The following B4GAT1 variants were observed in gnomAD, a reference collection of about 807,000 sequenced individuals.
The protein encoded by B4GAT1 is N-acetyllactosaminide beta-1,3-N-acetylglucosaminyltransferase.
Under a neutral mutation model 35.0 loss-of-function variants are expected in B4GAT1, and 18 were observed. The observed-to-expected ratio is 0.51, with a 90% CI of 0.36 to 0.76. The LOEUF is 0.76. Among genes scored for constraint, B4GAT1 ranks in the 30% least tolerant of loss-of-function variants. The probability of loss-of-function intolerance (pLI) is 0.01; values close to 1 mark genes in which losing one functional copy is unlikely to be tolerated. For missense variants in B4GAT1, 458 were observed against 555.0 expected (o/e 0.83, Z 1.76); for synonymous variants, 217 against 251.6 (o/e 0.86, Z 1.30).
rs1281624367 is a variant in B4GAT1, at chr11:66,346,946, C to T, written c.600G>A (p.Ala200=). The change falls in exon 1 of 2, where the codon GCG becomes GCA. Residue 200 remains alanine (A), a synonymous_variant. Coordinates refer to ENST00000311181, the MANE Select transcript of B4GAT1 (RefSeq NM_006876.3). The surrounding 1 kb of genome is among the most constrained non-coding windows in gnomAD (Gnocchi z 6.1). The stretch of plus-strand genomic sequence containing the variant: ...TGGGGTAGGAGACATTGGTGCCCAG[C>T]GCATAATTAATCCCGGGCTGGGCCA... ...ARVAQPGINY[A]LGTNVSYPNN... is the part of the protein sequence containing the mutation. 1.9e-6 allele frequency: 3 copies of T among 1,612,784 alleles called. No individual in the cohort carries two copies. The highest frequency in any genetic ancestry group is 2.2e-5 in the South Asian group (2 of 91,082).
chr11:66,347,220 A>G lies in B4GAT1; in HGVS notation c.326T>C (p.Leu109Pro), dbSNP rs757744590. 1 of 1,572,832 alleles carries G rather than the reference A, an allele frequency of 6.4e-7. No individual in the cohort carries two copies. Among genetic ancestry groups the G allele is most frequent in the South Asian group, 1.2e-5 (1 of 86,418 alleles). Residue 109 changes from leucine (L) to proline (P), a missense_variant, in exon 1 of 2, where the codon CTG (leucine) becomes CCG (proline). Physicochemically the swap from Leu to Pro is moderately conservative, Grantham distance 98. Transcript: ENST00000311181. The surrounding 1 kb of genome is among the most constrained non-coding windows in gnomAD (Gnocchi z 6.3). ...CTCCCAGCGCTCCAGCAGACCCGAC[A>G]GGTGCAGCAGGTTGTCCACGCTGGC... is the stretch of plus-strand genomic sequence containing the variant. Reference protein sequence around the residue: ...THASVDNLLHLSGLLERWEGP... With the variant: ...THASVDNLLHPSGLLERWEGP...
rs898939850 is a variant in B4GAT1 at position 66,346,532 on chromosome 11, G to A, written c.1014C>T (p.Phe338=). 2 of 1,612,352 alleles carry A rather than the reference G, an allele frequency of 1.2e-6. No homozygotes were observed. Among genetic ancestry groups the A allele is most frequent in the Non-Finnish European group, 1.7e-6 (2 of 1,178,764 alleles). ...AGCCGTACTGCCGAAAGCGCTCGTC[G>A]AAGGTGGGCACCTTGCCTCCTGCCA... The part of the protein sequence containing the change: ...FYVAGGKVPT[F]DERFRQYGFN... The change falls in exon 1 of 2, where the codon TTC becomes TTT. Residue 338 remains phenylalanine (F), a synonymous_variant. Coordinates refer to ENST00000311181, the MANE Select transcript of B4GAT1 (RefSeq NM_006876.3). This position sits in a 1 kb window ranked among gnomAD's most constrained non-coding sequence, Gnocchi z 6.1.
chr11:66,345,727 C>T lies in B4GAT1; in HGVS notation c.*322G>A. The T allele has an allele frequency of 3.4e-6, 1 of 292,310 alleles. No homozygotes were observed. The highest frequency in any genetic ancestry group is 4.6e-5 in the Admixed American group (1 of 21,658). 18.1% of individuals were successfully genotyped at this position (292,310 alleles called of 1,614,324 possible). A position where few individuals can be genotyped will look rare whatever the true frequency, so the allele number is the denominator to read the frequency against. Reference sequence around the variant, plus strand: ...TAATACTGCGATAATATTAATACTTCACATTTGTACGAAGCTTACAGAATG... The same window carrying T: ...TAATACTGCGATAATATTAATACTTTACATTTGTACGAAGCTTACAGAATG... On this transcript the variant is annotated 3_prime_UTR_variant, in exon 2 of 2. Coordinates refer to ENST00000311181, the MANE Select transcript of B4GAT1 (RefSeq NM_006876.3).
At position 66,346,140 on chromosome 11, in the gene B4GAT1, T is replaced by A; in HGVS notation, c.1157A>T (p.Lys386Met). The change falls in exon 2 of 2, where the codon AAG (lysine) becomes ATG (methionine). Residue 386 changes from lysine to methionine, a missense_variant. Lys to Met is a moderately conservative substitution (Grantham distance 95). Coordinates refer to ENST00000311181, the MANE Select transcript of B4GAT1 (RefSeq NM_006876.3). The surrounding 1 kb of genome is among the most constrained non-coding windows in gnomAD (Gnocchi z 6.1). ...CTTATTGTGCTGATTTTCAGCCTCC[T>A]TTTGGGGATGGAACTTCAACGCTTC... is the stretch of plus-strand genomic sequence containing the variant. ...FKEALKFHPQ[K>M]EAENQHNKIL... 6.2e-7 allele frequency: 1 copy of A among 1,614,122 alleles called. No homozygotes were observed. The highest frequency in any genetic ancestry group is 2.2e-5 in the East Asian group (1 of 44,894).
Position 66,347,152 on chromosome 11 carries a change from C to T in B4GAT1, c.394G>A (p.Ala132Thr). Residue 132 changes from alanine to threonine, a missense_variant, in exon 1 of 2, where the codon GCG becomes ACG. Transcript: ENST00000311181. This position sits in a 1 kb window ranked among gnomAD's most constrained non-coding sequence, Gnocchi z 6.3. Reference sequence around the variant, plus strand: ...TAGGCCAGCACCGTGGCCAGCTGCGCCTCCTCCTTGGTGGCCGCGAACACC... The same window carrying T: ...TAGGCCAGCACCGTGGCCAGCTGCGTCTCCTCCTTGGTGGCCGCGAACACC... ...VSVFAATKEE[A>T]QLATVLAYAL... 1 of 1,593,578 alleles carries T rather than the reference C, an allele frequency of 6.3e-7. No individual in the cohort carries two copies. Among genetic ancestry groups the T allele is most frequent in the Non-Finnish European group, 8.5e-7 (1 of 1,171,144 alleles).
chr11:66,346,281 GA>G lies in B4GAT1; in HGVS notation c.1057-42del, dbSNP rs1459904356. The G allele has an allele frequency of 3.7e-6, 6 of 1,601,976 alleles. No individual in the cohort carries two copies. The South Asian group carries it at 5.5e-5, about 15-fold the overall frequency. ...CAGGTTAGCAAAGTTTGATGACATT[GA>G]CAGGCCTGAGACTGACTTCCCTAAA... On this transcript the variant is annotated intron_variant, in intron 1 of 1. Coordinates refer to ENST00000311181, the MANE Select transcript of B4GAT1 (RefSeq NM_006876.3). This position sits in a 1 kb window ranked among gnomAD's most constrained non-coding sequence, Gnocchi z 6.1.
chr11:66,346,264 C>G lies in B4GAT1; in HGVS notation c.1057-24G>C. 6.2e-7 allele frequency: 1 copy of G among 1,607,898 alleles called. No homozygotes were observed. Among genetic ancestry groups the G allele is most frequent in the Admixed American group, 1.7e-5 (1 of 59,770 alleles). On this transcript the variant is annotated intron_variant, in intron 1 of 1. Coordinates refer to ENST00000311181, the MANE Select transcript of B4GAT1 (RefSeq NM_006876.3). This position sits in a 1 kb window ranked among gnomAD's most constrained non-coding sequence, Gnocchi z 6.1. ...GCCTGCAGGAGGAAAGACAGGTTAG[C>G]AAAGTTTGATGACATTGACAGGCCT... is the stretch of plus-strand genomic sequence containing the variant.
In B4GAT1 at chr11:66,347,601, C is replaced by G; in HGVS notation, c.-56G>C. On this transcript the variant is annotated 5_prime_UTR_variant, in exon 1 of 2. Transcript: ENST00000311181. This position sits in a 1 kb window ranked among gnomAD's most constrained non-coding sequence, Gnocchi z 6.3. Reference sequence around the variant, plus strand: ...ACCACCCGGCCACAGACTACGCCAGCGGCCGCAAGCCCGGATTTACCGCAG... The same window carrying G: ...ACCACCCGGCCACAGACTACGCCAGGGGCCGCAAGCCCGGATTTACCGCAG... 8.1e-7 allele frequency: 1 copy of G among 1,235,562 alleles called. No homozygotes were observed. The highest frequency in any genetic ancestry group is 1.0e-6 in the Non-Finnish European group (1 of 989,838). The allele number at this position is 1,235,562 out of a possible 1,614,324, so 76.5% of individuals were successfully genotyped here. A position where few individuals can be genotyped will look rare whatever the true frequency, so the allele number is the denominator to read the frequency against.
Position 66,347,428 on chromosome 11 carries a change from C to G in B4GAT1, c.118G>C (p.Glu40Gln). 1 of 1,575,070 alleles carries G rather than the reference C, an allele frequency of 6.3e-7. No individual in the cohort carries two copies. Among genetic ancestry groups the G allele is most frequent in the East Asian group, 2.3e-5 (1 of 43,934 alleles). ...AACTCAAAATATTGGTCTTGCTCCT[C>G]CTGCCCGTGCAGTCCGGACAGCAGC... ...LSLLSGLHGQ[E>Q]EQDQYFEFFP... Residue 40 changes from glutamate to glutamine, a missense_variant, in exon 1 of 2, where the codon GAG (glutamate) becomes CAG (glutamine). Physicochemically the swap from Glu to Gln is conservative, Grantham distance 29. Coordinates refer to ENST00000311181, the MANE Select transcript of B4GAT1 (RefSeq NM_006876.3). The surrounding 1 kb of genome is among the most constrained non-coding windows in gnomAD (Gnocchi z 6.3).
In B4GAT1 at chr11:66,346,516, G is replaced by A. The variant is rs1438401147; in HGVS notation, c.1030C>T (p.Gln344Ter). Residue 344 changes from glutamine (Q) to a stop codon, truncating the protein, a stop_gained, in exon 1 of 2, where the codon CAG becomes TAG. Transcript: ENST00000311181. LOFTEE classifies it high-confidence loss of function. The surrounding 1 kb of genome is among the most constrained non-coding windows in gnomAD (Gnocchi z 6.1). ...TGGCTGATTCGGTTGAAGCCGTACT[G>A]CCGAAAGCGCTCGTCGAAGGTGGGC... is the stretch of plus-strand genomic sequence containing the variant. ...KVPTFDERFR[Q>*]YGFNRISQAC... The A allele has an allele frequency of 6.2e-7, 1 of 1,610,948 alleles. No individual in the cohort carries two copies. Among genetic ancestry groups the A allele is most frequent in the Admixed American group, 1.7e-5 (1 of 59,942 alleles).
chr11:66,346,944 A>G lies in B4GAT1; in HGVS notation c.602T>C (p.Leu201Pro), dbSNP rs1372530809. 1 of 1,613,076 alleles carries G rather than the reference A, an allele frequency of 6.2e-7. No individual in the cohort carries two copies. Among genetic ancestry groups the G allele is most frequent in the East Asian group, 2.2e-5 (1 of 44,866 alleles). The change falls in exon 1 of 2, where the codon CTG becomes CCG. Residue 201 changes from leucine (L) to proline (P), a missense_variant. Transcript: ENST00000311181. The surrounding 1 kb of genome is among the most constrained non-coding windows in gnomAD (Gnocchi z 6.1). ...ATTGGGGTAGGAGACATTGGTGCCC[A>G]GCGCATAATTAATCCCGGGCTGGGC... is the stretch of plus-strand genomic sequence containing the variant. ...RVAQPGINYALGTNVSYPNNL... is the reference protein window; with the variant it reads ...RVAQPGINYAPGTNVSYPNNL...
Position 66,346,896 on chromosome 11 carries a change from C to T in B4GAT1, c.650G>A (p.Arg217His). ...YPNNLLRNLA[R>H]EGANYALVID... is the part of the protein sequence containing the mutation. ...CACCAGGGCATAGTTGGCCCCCTCA[C>T]GAGCCAGATTCCTCAGCAGGTTATT... The change falls in exon 1 of 2, where the codon CGT becomes CAT. Residue 217 changes from arginine to histidine, a missense_variant. Physicochemically the swap from Arg to His is conservative, Grantham distance 29 (BLOSUM62 0). Coordinates refer to ENST00000311181, the MANE Select transcript of B4GAT1 (RefSeq NM_006876.3). This position sits in a 1 kb window ranked among gnomAD's most constrained non-coding sequence, Gnocchi z 6.1. 6.2e-7 allele frequency: 1 copy of T among 1,613,954 alleles called. No homozygotes were observed. The highest frequency in any genetic ancestry group is 8.5e-7 in the Non-Finnish European group (1 of 1,180,012).
rs1008323261 is a variant in B4GAT1, at chr11:66,347,309, G to A, written c.237C>T (p.Tyr79=). 10 of 1,569,730 alleles carry A rather than the reference G, an allele frequency of 6.4e-6. No homozygotes were observed. The African/African-American group carries it at 1.4e-4, about 21-fold the overall frequency. ...TCTTCAGCAGGCCCCTGTAGACGCGGTAATCGCCGCTAGCGTCCAGGACGC... is the reference window on the plus strand; with the variant it reads ...TCTTCAGCAGGCCCCTGTAGACGCGATAATCGCCGCTAGCGTCCAGGACGC... ...SGGVLDASGD[Y]RVYRGLLKTT... Residue 79 remains tyrosine (Y), a synonymous_variant, in exon 1 of 2, where the codon TAC becomes TAT. Transcript: ENST00000311181. The surrounding 1 kb of genome is among the most constrained non-coding windows in gnomAD (Gnocchi z 6.3).
Position 66,346,557 on chromosome 11 carries a change from A to G in B4GAT1, c.989T>C (p.Val330Ala). The change falls in exon 1 of 2, where the codon GTG (valine) becomes GCG (alanine). Residue 330 changes from valine to alanine, a missense_variant. By Grantham distance (64) the Val-to-Ala change is moderately conservative. Coordinates refer to ENST00000311181, the MANE Select transcript of B4GAT1 (RefSeq NM_006876.3). The surrounding 1 kb of genome is among the most constrained non-coding windows in gnomAD (Gnocchi z 6.1). ...GAAGGTGGGCACCTTGCCTCCTGCC[A>G]CGTAGAATGGCTCCCAGGGGTCCTG... ...PWQDPWEPFY[V>A]AGGKVPTFDE... 1 of 1,613,688 alleles carries G rather than the reference A, an allele frequency of 6.2e-7. No individual in the cohort carries two copies. The highest frequency in any genetic ancestry group is 8.5e-7 in the Non-Finnish European group (1 of 1,179,828).
At position 66,346,437 on chromosome 11, in the gene B4GAT1, T is replaced by C; in HGVS notation, c.1056+53A>G. 6.4e-7 allele frequency: 1 copy of C among 1,557,492 alleles called. No homozygotes were observed. Among genetic ancestry groups the C allele is most frequent in the Middle Eastern group, 1.8e-4 (1 of 5,540 alleles). ...TCCAGGGCCACTCCTCATAACTCCC[T>C]GATCCCACCACCCCTCCTGCCCCAT... On this transcript the variant is annotated intron_variant, in intron 1 of 1. Coordinates refer to ENST00000311181, the MANE Select transcript of B4GAT1 (RefSeq NM_006876.3). This position sits in a 1 kb window ranked among gnomAD's most constrained non-coding sequence, Gnocchi z 6.1.
At position 66,347,523 on chromosome 11, in the gene B4GAT1, C is replaced by G. The variant is rs1336362171; in HGVS notation, c.23G>C (p.Arg8Pro). 6.7e-7 allele frequency: 1 copy of G among 1,499,310 alleles called. No homozygotes were observed. The highest frequency in any genetic ancestry group is 8.9e-7 in the Non-Finnish European group (1 of 1,126,326). 92.9% of individuals were successfully genotyped at this position (1,499,310 alleles called of 1,614,324 possible). Reference sequence around the variant, plus strand: ...CAGCAGCAGCTGGTAGAAGGCGCACCGGATGGCGTAGGACATCTGCATGGC... The same window carrying G: ...CAGCAGCAGCTGGTAGAAGGCGCACGGGATGGCGTAGGACATCTGCATGGC... MQMSYAIRCAFYQLLLAA... is the reference protein window; with the variant it reads MQMSYAIPCAFYQLLLAA... The change falls in exon 1 of 2, where the codon CGG becomes CCG. Residue 8 changes from arginine to proline, a missense_variant. Transcript: ENST00000311181. This position sits in a 1 kb window ranked among gnomAD's most constrained non-coding sequence, Gnocchi z 6.3.
In B4GAT1 at chr11:66,346,146, G is replaced by T; in HGVS notation, c.1151C>A (p.Pro384His). The T allele has an allele frequency of 6.2e-7, 1 of 1,614,074 alleles. No individual in the cohort carries two copies. The highest frequency in any genetic ancestry group is 8.5e-7 in the Non-Finnish European group (1 of 1,180,028). ...GTGCTGATTTTCAGCCTCCTTTTGG[G>T]GATGGAACTTCAACGCTTCTTTGAA... ...KGFKEALKFH[P>H]QKEAENQHNK... Residue 384 changes from proline to histidine, a missense_variant, in exon 2 of 2, where the codon CCC becomes CAC. By Grantham distance (77) the Pro-to-His change is moderately conservative (BLOSUM62 -2). Coordinates refer to ENST00000311181, the MANE Select transcript of B4GAT1 (RefSeq NM_006876.3). The surrounding 1 kb of genome is among the most constrained non-coding windows in gnomAD (Gnocchi z 6.1).
rs1366256663 is a variant in B4GAT1 at position 66,346,727 on chromosome 11, G to A, written c.819C>T (p.Asn273=). 6.2e-7 allele frequency: 1 copy of A among 1,613,758 alleles called. No individual in the cohort carries two copies. The highest frequency in any genetic ancestry group is 8.5e-7 in the Non-Finnish European group (1 of 1,180,028). The change falls in exon 1 of 2, where the codon AAC becomes AAT. Residue 273 remains asparagine, a synonymous_variant. Coordinates refer to ENST00000311181, the MANE Select transcript of B4GAT1 (RefSeq NM_006876.3). This position sits in a 1 kb window ranked among gnomAD's most constrained non-coding sequence, Gnocchi z 6.1. ...RRARRMPMNK[N]ELVQLYQVGE... ...CAACCTGGTAGAGCTGCACCAGCTC[G>A]TTTTTGTTCATGGGCATGCGGCGGG...
Position 66,347,295 on chromosome 11 carries a change from C to A in B4GAT1, c.251G>T (p.Gly84Val). 1 of 1,566,956 alleles carries A rather than the reference C, an allele frequency of 6.4e-7. No homozygotes were observed. The highest frequency in any genetic ancestry group is 8.6e-7 in the Non-Finnish European group (1 of 1,156,356). The change falls in exon 1 of 2, where the codon GGC becomes GTC. Residue 84 changes from glycine (G) to valine (V), a missense_variant. Transcript: ENST00000311181. The surrounding 1 kb of genome is among the most constrained non-coding windows in gnomAD (Gnocchi z 6.3). ...GGGGTCCATGGTGGTCTTCAGCAGG[C>A]CCCTGTAGACGCGGTAATCGCCGCT... ...DASGDYRVYR[G>V]LLKTTMDPND... is the part of the protein sequence containing the mutation.
Sources: allele counts gnomAD v4.1 joint callset, GRCh38; gene constraint gnomAD v4.1.1; non-coding constraint Gnocchi (gnomAD v3.1); transcripts MANE v1.5; gene names NCBI Gene and HGNC (gene_info 2026-07-23, HGNC 2026-07-21).